The following RBMS3 variants were observed in gnomAD, a reference collection of about 807,000 sequenced individuals.
RBMS3 encodes the protein RNA-binding motif, single-stranded-interacting protein 3.
Under a neutral mutation model 66.8 loss-of-function variants are expected in RBMS3, and 27 were observed. The observed-to-expected ratio is 0.40, with a 90% CI of 0.30 to 0.56. RBMS3 has a LOEUF of 0.56. Ranked by LOEUF, RBMS3 falls within the 20% of genes least tolerant of loss-of-function variation. The pLI, the probability that RBMS3 is intolerant of heterozygous loss-of-function variation, is 0.40. For missense variants in RBMS3, 513 were observed against 549.5 expected, an observed-to-expected ratio of 0.93 and a Z score of 0.66; for synonymous variants, 188 against 183.0, an observed-to-expected ratio of 1.03 and a Z score of -0.22.
chr3:29,540,342 G>A (rs565756943), intron 3 of RBMS3, among the ~76,000 whole-genome samples: 1 of 151,894 alleles, frequency 6.6e-6, no homozygotes, highest in Non-Finnish European at 1.5e-5. Flanking sequence ...TTTCTTTATT[G>A]CAACCTTTGT....
Position 29,527,181 on chromosome 3 carries a change from T to TTAAAAAAAAAAAAAAAAAAAAAAA in RBMS3, c.307+38682_307+38683insTAAAAAAAAAAAAAAAAAAAAAAA, listed in dbSNP as rs1491567884. Among the ~76,000 whole-genome samples, 63 of 87,818 alleles carry TTAAAAAAAAAAAAAAAAAAAAAAA rather than the reference T, an allele frequency of 7.2e-4. 8 individuals carry two copies. Among genetic ancestry groups the TTAAAAAAAAAAAAAAAAAAAAAAA allele is most frequent in the African/African-American group, 1.6e-3 (34 of 21,072 alleles). The allele number at this position is 87,818 out of a possible 152,430, so 57.6% of individuals were successfully genotyped here. ...TTTCAGACGTGATTGTTAGGTAGAG[T>TTAAAAAAAAAAAAAAAAAAAAAAA]AAAAAAAAAAAAAAAAAAAAAAAAA... On this transcript the variant is annotated intron_variant, in intron 3 of 14. Transcript: ENST00000383767.
intron 4 of RBMS3, among the ~76,000 whole-genome samples, chr3:29,668,957 T>A (rs1057297765): frequency 6.6e-6 from 1 of 152,214 alleles, no homozygotes; most frequent in Non-Finnish European, 1.5e-5. Flanking sequence ...TTGTACCCCA[T>A]CATTTTCCCC....
intron 3 of RBMS3, among the ~76,000 whole-genome samples, chr3:29,540,450 G>C (rs2045715795): frequency 6.6e-6 from 1 of 152,078 alleles, no homozygotes; most frequent in Non-Finnish European, 1.5e-5. Flanking sequence ...AGAAGCAGTG[G>C]TTCCACCTAA....
intron 3 of RBMS3, among the ~76,000 whole-genome samples, chr3:29,515,129 G>T (rs945392233): frequency 1.3e-5 from 2 of 152,152 alleles, no homozygotes; most frequent in Admixed American, 1.3e-4. Context: ...TGGTCAAATC[G>T]ACCTTAAGTT....
At chr3:29,606,121 T>G (rs2149125774) in intron 4 of RBMS3, among the ~76,000 whole-genome samples, 1 of 151,930 alleles carries the variant, frequency 6.6e-6, no homozygotes, top group East Asian at 1.9e-4. Context: ...GGTTGCAGAT[T>G]GTCTATTCCT....
chr3:29,546,039 A>T (rs1268547120), intron 3 of RBMS3, among the ~76,000 whole-genome samples: 2 of 152,090 alleles, frequency 1.3e-5, no homozygotes, highest in Non-Finnish European at 2.9e-5. Flanking sequence ...TGACAAAAAA[A>T]TCAGTAACTT....
chr3:29,429,458 C>T (rs1264022705), intron 1 of RBMS3, among the ~76,000 whole-genome samples: 1 of 152,148 alleles, frequency 6.6e-6, no homozygotes, highest in South Asian at 2.1e-4. Context: ...TCCAGCAAAG[C>T]TACAATGACT....
chr3:29,451,236 C>G (rs557056554), intron 2 of RBMS3, among the ~76,000 whole-genome samples: 246 of 152,258 alleles, frequency 1.6e-3, no homozygotes, highest in African/African-American at 5.7e-3. Context: ...TGTGTTAGTA[C>G]ATGTTTGTAT....
At chr3:29,726,282 C>T (rs1051966728) in intron 4 of RBMS3, among the ~76,000 whole-genome samples, 1 of 152,080 alleles carries the variant, frequency 6.6e-6, no homozygotes, top group African/African-American at 2.4e-5. Flanking sequence ...GGAAGCATTC[C>T]CTTTGAAAAC....
chr3:29,965,608 A>C (rs1696783981), intron 12 of RBMS3, among the ~76,000 whole-genome samples: 1 of 151,874 alleles, frequency 6.6e-6, no homozygotes, highest in Non-Finnish European at 1.5e-5. Context: ...GTCTGAGTTA[A>C]CTGTAGATTC....
intron 1 of RBMS3, among the ~76,000 whole-genome samples, chr3:29,375,762 A>G (rs1296843137): frequency 6.6e-6 from 1 of 152,210 alleles, no homozygotes; most frequent in Non-Finnish European, 1.5e-5. Context: ...GAAAGTGTAA[A>G]TTAGTTCAAC....
At chr3:29,527,297 A>G (rs995464592) in intron 3 of RBMS3, among the ~76,000 whole-genome samples, 37 of 151,996 alleles carry the variant, frequency 2.4e-4, no homozygotes, top group South Asian at 6.2e-4. Context: ...TTGAACTTCC[A>G]TTAGCTACAT....
At chr3:29,839,834 T>G (rs890214930) in intron 6 of RBMS3, among the ~76,000 whole-genome samples, 1 of 151,836 alleles carries the variant, frequency 6.6e-6, no homozygotes, top group Non-Finnish European at 1.5e-5. Context: ...TTTGAAATGC[T>G]AAAATAATGG....
chr3:29,819,039 C>T (rs550280841), intron 6 of RBMS3, among the ~76,000 whole-genome samples: 63 of 152,242 alleles, frequency 4.1e-4, no homozygotes, highest in African/African-American at 1.5e-3. Flanking sequence ...CAATACATTC[C>T]ATTGCCACCC....
At chr3:29,360,678 G>A (rs950974365) in intron 1 of RBMS3, among the ~76,000 whole-genome samples, 1 of 152,020 alleles carries the variant, frequency 6.6e-6, no homozygotes, top group Non-Finnish European at 1.5e-5. Flanking sequence ...TTGTGTGGGA[G>A]TCTAAGTCTC....
intron 1 of RBMS3, among the ~76,000 whole-genome samples, chr3:29,413,796 T>C (rs1162077850): frequency 6.6e-6 from 1 of 152,030 alleles, no homozygotes. Flanking sequence ...TAAAATGTTG[T>C]ATCAAAGTTA....
At chr3:29,396,075 A>G (rs1433616108) in intron 1 of RBMS3, among the ~76,000 whole-genome samples, 1 of 152,164 alleles carries the variant, frequency 6.6e-6, no homozygotes, top group East Asian at 1.9e-4. Flanking sequence ...TCAGGTGATG[A>G]ACATCAACAA....
At chr3:29,935,324 A>G (rs1434810014) in intron 10 of RBMS3, among the ~76,000 whole-genome samples, 1 of 152,084 alleles carries the variant, frequency 6.6e-6, no homozygotes, top group Admixed American at 6.6e-5. Context: ...TTTATCCCCA[A>G]CAATGATAAT....
At chr3:29,803,602 C>T (rs916214818) in intron 6 of RBMS3, among the ~76,000 whole-genome samples, 1 of 151,830 alleles carries the variant, frequency 6.6e-6, no homozygotes, top group Non-Finnish European at 1.5e-5. Flanking sequence ...TATATTTTAT[C>T]AACACACATT....
Sources: allele counts gnomAD v4.1 joint callset (sites outside exome capture counted in the v4.1 genomes callset), GRCh38; gene constraint gnomAD v4.1.1; transcripts MANE v1.5; gene names NCBI Gene and HGNC (gene_info 2026-07-23, HGNC 2026-07-21).